The following UNC13A variants were observed in gnomAD, a reference collection of about 807,000 sequenced individuals.
UNC13A encodes protein unc-13 homolog A.
UNC13A carries 61 observed loss-of-function variants against 219.7 expected under a neutral mutation model. The observed-to-expected ratio is 0.28, with a 90% confidence interval of 0.23 to 0.34. The LOEUF is 0.34. Among genes scored for constraint, UNC13A ranks in the 10% least tolerant of loss-of-function variants. The probability of loss-of-function intolerance (pLI) is 1.00; values close to 1 mark genes in which losing one functional copy is unlikely to be tolerated. For synonymous variants in UNC13A, 920 were observed against 884.6 expected, an observed-to-expected ratio of 1.04 and a Z score of -0.71; for missense variants, 1,476 against 2,270.3, an observed-to-expected ratio of 0.65 and a Z score of 7.11.
At chr19:17,610,927 G>A (rs564667229) in intron 42 of UNC13A, among the ~76,000 whole-genome samples, 12 of 152,200 alleles carry the variant, frequency 7.9e-5, no homozygotes, top group African/African-American at 1.4e-4. Context: ...CAGCGACTCC[G>A]GAAGCTGAGG....
intron 4 of UNC13A, 60 bp from the exon 5 acceptor site, chr19:17,669,736 C>T: frequency 1.3e-6 from 2 of 1,532,536 alleles, no homozygotes; most frequent in Non-Finnish European, 1.8e-6. Flanking sequence ...GTCCCCAGGG[C>T]CCCTACTCTC....
At chr19:17,633,065 C>G (rs1456666795) in intron 27 of UNC13A, 43 bp downstream of exon 27, 8 of 1,612,162 alleles carry the variant, frequency 5.0e-6, no homozygotes, top group Non-Finnish European at 5.9e-6. Context: ...GGTACAGCCA[C>G]CTGGTGTGGC....
At chr19:17,631,375 C>A (rs1346588882) in intron 28 of UNC13A, among the ~76,000 whole-genome samples, 1 of 151,116 alleles carries the variant, frequency 6.6e-6, no homozygotes, top group Non-Finnish European at 1.5e-5. Flanking sequence ...CACATGCCAC[C>A]ATGCCCGGCT....
At chr19:17,648,812 C>T in intron 15 of UNC13A, 100 bp downstream of exon 15, 3 of 1,499,548 alleles carry the variant, frequency 2.0e-6, no homozygotes, top group Non-Finnish European at 2.7e-6. Context: ...GTCACACACA[C>T]ACCCTTCCTC....
chr19:17,642,430 C>T (rs12973192), intron 20 of UNC13A, among the ~76,000 whole-genome samples: 1 of 152,034 alleles, frequency 6.6e-6, no homozygotes, highest in Non-Finnish European at 1.5e-5. Context: ...CTCCATCCAT[C>T]CTTTTATCTA....
intron 25 of UNC13A, among the ~76,000 whole-genome samples, 189 bp downstream of exon 25, chr19:17,638,894 A>G (rs2145034167): frequency 6.6e-6 from 1 of 152,238 alleles, no homozygotes; most frequent in South Asian, 2.1e-4. Context: ...AGTGCCGACT[A>G]TATTTTATCT....
At chr19:17,630,793 T>G in intron 28 of UNC13A, 43 bp from the exon 29 acceptor site, 1 of 1,580,218 alleles carries the variant, frequency 6.3e-7, no homozygotes, top group Non-Finnish European at 8.7e-7. Flanking sequence ...CCTCTTGTCC[T>G]CCTCAACCTC....
In UNC13A at chr19:17,629,336, C is replaced by T. The variant is rs773483596; in HGVS notation, c.3670-13G>A. 2.5e-6 allele frequency: 4 copies of T among 1,605,310 alleles called. No homozygotes were observed. The highest frequency in any genetic ancestry group is 3.4e-6 in the Non-Finnish European group (4 of 1,175,780). On this transcript the variant is annotated splice_polypyrimidine_tract_variant and intron_variant, in intron 30 of 43. Transcript: ENST00000519716. The stretch of plus-strand genomic sequence containing the variant: ...CATTACTGATGGTCTGGGGAAGACA[C>T]AGAGTGTGGGTGAGAGGAGAGGCTG...
chr19:17,606,421 C>A, intron 43 of UNC13A, 67 bp from the exon 44 acceptor site: 1 of 1,509,694 alleles, frequency 6.6e-7, no homozygotes, highest in South Asian at 1.2e-5. Flanking sequence ...ACGGCCCCGT[C>A]CCCACCGCAT....
At chr19:17,614,402 C>T (rs1289369099) in intron 41 of UNC13A, 2 of 152,204 alleles carry the variant, frequency 1.3e-5, no homozygotes, top group Non-Finnish European at 1.5e-5. Context: ...CAGCCGTGTC[C>T]TCCATGGTGC....
chr19:17,660,930 T>TAA (rs2079540294), intron 8 of UNC13A, among the ~76,000 whole-genome samples: 1 of 150,626 alleles, frequency 6.6e-6, no homozygotes. Flanking sequence ...TGATTTTATT[T>TAA]ATTTATTTTA....
chr19:17,631,093 TTCCTTCCTTCTTCAGATAAACTG>T (rs2076841206), intron 28 of UNC13A, among the ~76,000 whole-genome samples: 26 of 120,268 alleles, frequency 2.2e-4, no homozygotes, highest in Admixed American at 3.3e-4. Context: ...CCTTCCTTCC[TTCCTTCCTTCTTCAGATAAACTG>T]CCCATGGCAA....
At chr19:17,659,201 GGGAGGC>G in intron 8 of UNC13A, among the ~76,000 whole-genome samples, 1 of 152,302 alleles carries the variant, frequency 6.6e-6, no homozygotes, top group Admixed American at 6.5e-5. Context: ...CCAGCACTTT[GGGAGGC>G]GGAGGCGGGC....
At chr19:17,675,579 C>T (rs1317112470) in intron 2 of UNC13A, among the ~76,000 whole-genome samples, 2 of 148,228 alleles carry the variant, frequency 1.3e-5, no homozygotes, top group African/African-American at 2.5e-5. Context: ...TGCAGTGAGC[C>T]GAGATCACGC....
chr19:17,639,565 G>C, intron 23 of UNC13A, 40 bp from the exon 24 acceptor site: 1 of 1,594,484 alleles, frequency 6.3e-7, no homozygotes, highest in South Asian at 1.1e-5. Flanking sequence ...ATGGAAGAAG[G>C]CGTGGGGAGG....
intron 41 of UNC13A, chr19:17,616,477 G>A: frequency 1.5e-6 from 1 of 687,238 alleles, no homozygotes. Flanking sequence ...AATTGGGGGT[G>A]GGGGTGGAAG....
intron 17 of UNC13A, among the ~76,000 whole-genome samples, 184 bp from the exon 18 acceptor site, chr19:17,646,295 T>TTTG (rs2077025991): frequency 8.9e-6 from 1 of 112,882 alleles, no homozygotes; most frequent in Non-Finnish European, 2.0e-5. Flanking sequence ...TTGTTTGTTT[T>TTTG]TGAGACAGAG....
At chr19:17,671,616 C>CA (rs1252018913) in intron 4 of UNC13A, among the ~76,000 whole-genome samples, 2 of 150,948 alleles carry the variant, frequency 1.3e-5, no homozygotes, top group African/African-American at 2.4e-5. Context: ...ATTAAAAATA[C>CA]AAAAAAAATA....
At chr19:17,624,429 G>A (rs186462574) in intron 35 of UNC13A, among the ~76,000 whole-genome samples, 12 of 152,204 alleles carry the variant, frequency 7.9e-5, no homozygotes, top group African/African-American at 2.4e-4. Context: ...CAATGTCTAT[G>A]CCTTCCGTGG....
Sources: allele counts gnomAD v4.1 joint callset (sites outside exome capture counted in the v4.1 genomes callset), GRCh38; gene constraint gnomAD v4.1.1; transcripts MANE v1.5; gene names NCBI Gene and HGNC (gene_info 2026-07-23, HGNC 2026-07-21).